RAB11FIP3: variants seen among roughly 807,000 people sequenced by gnomAD.
RAB11FIP3 encodes rab11 family-interacting protein 3.
RAB11FIP3 carries 17 observed loss-of-function variants against 77.8 expected under a neutral mutation model. The ratio of observed to expected loss-of-function variants is 0.22; its 90% CI spans 0.15 to 0.33. The LOEUF (loss-of-function observed/expected upper bound fraction) is 0.33, where lower values mean the gene tolerates loss of function less well. Among genes scored for constraint, RAB11FIP3 ranks in the 10% least tolerant of loss-of-function variants. The probability of loss-of-function intolerance (pLI) is 1.00; values close to 1 mark genes in which losing one functional copy is unlikely to be tolerated. For missense variants in RAB11FIP3, 1,005 were observed against 1,011.2 expected (o/e 0.99, Z 0.08); for synonymous variants, 437 against 448.2 (o/e 0.98, Z 0.31).
At chr16:446,615 A>AT (rs2055320902) in intron 1 of RAB11FIP3, among the ~76,000 whole-genome samples, 3 of 152,164 alleles carry the variant, frequency 2.0e-5, no homozygotes, top group Non-Finnish European at 4.4e-5. Context: ...TGTCCTACAG[A>AT]GACATGTTGA....
Position 507,137 on chromosome 16 carries a change from G to T in RAB11FIP3, c.1499+1510G>T, listed in dbSNP as rs959034923. On this transcript the variant is annotated intron_variant, in intron 8 of 13. Transcript: ENST00000262305. The surrounding 1 kb of genome is among the most constrained non-coding windows in gnomAD (Gnocchi z 4.6). ...CTTTTTTTTTTTTTTTTTTGAGACG[G>T]GGTCTCTCTCTGTCTCCAGGCTGGA... is the stretch of plus-strand genomic sequence containing the variant. Among the ~76,000 whole-genome samples the T allele has an allele frequency of 4.7e-4, 71 of 150,068 alleles. No homozygotes were observed. The highest frequency in any genetic ancestry group is 2.0e-4 in the Admixed American group (3 of 15,140).
intron 1 of RAB11FIP3, among the ~76,000 whole-genome samples, chr16:455,399 G>A (rs532488980): frequency 1.3e-5 from 2 of 151,648 alleles, no homozygotes; most frequent in Non-Finnish European, 2.9e-5. Flanking sequence ...GCTTGAACCC[G>A]GGAGGTGGAG....
chr16:483,325 C>G (rs1468877637), intron 4 of RAB11FIP3, among the ~76,000 whole-genome samples: 1 of 152,218 alleles, frequency 6.6e-6, no homozygotes, highest in East Asian at 1.9e-4. Flanking sequence ...GATGGACCCC[C>G]TCTCTCAGCC....
chr16:457,652 G>A (rs2055525585), intron 1 of RAB11FIP3, among the ~76,000 whole-genome samples: 1 of 152,068 alleles, frequency 6.6e-6, no homozygotes, highest in Non-Finnish European at 1.5e-5. Flanking sequence ...TTTTAAAAAT[G>A]TATACTTTGA....
intron 5 of RAB11FIP3, among the ~76,000 whole-genome samples, chr16:492,048 G>A (rs1325570012): frequency 6.6e-6 from 1 of 152,212 alleles, no homozygotes; most frequent in Admixed American, 6.5e-5. Flanking sequence ...CATGTTTAGA[G>A]GTATCTGTGA....
At chr16:453,756 A>G (rs1025477945) in intron 1 of RAB11FIP3, among the ~76,000 whole-genome samples, 1 of 151,564 alleles carries the variant, frequency 6.6e-6, no homozygotes, top group Non-Finnish European at 1.5e-5. Context: ...ACGCCCAGCT[A>G]ATTTTGTATT....
At chr16:492,394 C>CCCGGGAGATCCGAGGCCGCCCAGAGCCCT in intron 5 of RAB11FIP3, among the ~76,000 whole-genome samples, 7 of 32,116 alleles carry the variant, frequency 2.2e-4, no homozygotes, top group Non-Finnish European at 4.0e-4. Flanking sequence ...CCAGAGCCCT[C>CCCGGGAGATCCGAGGCCGCCCAGAGCCCT]CCCGGGAGAC....
chr16:499,881 A>G (rs2031396526), intron 6 of RAB11FIP3, among the ~76,000 whole-genome samples: 1 of 151,830 alleles, frequency 6.6e-6, no homozygotes, highest in Non-Finnish European at 1.5e-5. Flanking sequence ...CAGTGTGTCT[A>G]TCCACATGTA....
chr16:488,417 T>A (rs962154982), intron 4 of RAB11FIP3, among the ~76,000 whole-genome samples: 9 of 151,314 alleles, frequency 5.9e-5, no homozygotes, highest in Non-Finnish European at 1.2e-4. Flanking sequence ...TTTATTTATT[T>A]TTTTTTTTTG....
chr16:493,295 C>T (rs2030764817), intron 5 of RAB11FIP3, among the ~76,000 whole-genome samples: 1 of 149,966 alleles, frequency 6.7e-6, no homozygotes, highest in South Asian at 2.1e-4. Flanking sequence ...GGTTAATATG[C>T]TATTCAATTC....
intron 5 of RAB11FIP3, among the ~76,000 whole-genome samples, chr16:489,256 T>C (rs1363863327): frequency 6.6e-6 from 1 of 152,246 alleles, no homozygotes; most frequent in African/African-American, 2.4e-5. Flanking sequence ...CACAGAGCTG[T>C]GTTTGCACAC....
Position 443,571 on chromosome 16 carries a change from GGTT to G in RAB11FIP3, c.714+16862_714+16864del, listed in dbSNP as rs552854171. Among the ~76,000 whole-genome samples, 906 of 152,214 alleles carry G rather than the reference GGTT, an allele frequency of 6.0e-3. 8 individuals carry two copies. The highest frequency in any genetic ancestry group is 0.021 in the African/African-American group (858 of 41,530). ...CTGCAGCATGATCTTTGGTGGTGGT[GGTT>G]GTTGTTGTTGAGAGGGAGTCTCGCT... On this transcript the variant is annotated intron_variant, in intron 1 of 13. Transcript: ENST00000262305.
At position 505,424 on chromosome 16, in the gene RAB11FIP3, G is replaced by C; in HGVS notation, c.1396-100G>C. 3.5e-6 allele frequency: 3 copies of C among 868,598 alleles called. No individual in the cohort carries two copies. Among genetic ancestry groups the C allele is most frequent in the Non-Finnish European group, 3.5e-6 (2 of 565,960 alleles). The allele number at this position is 868,598 out of a possible 1,614,324, so 53.8% of individuals were successfully genotyped here. On this transcript the variant is annotated intron_variant, in intron 7 of 13. Transcript: ENST00000262305. This position sits in a 1 kb window ranked among gnomAD's most constrained non-coding sequence, Gnocchi z 4.0. Reference sequence around the variant, plus strand: ...CCTAGCTAGGTGGATCTGATTCTGTGCTGAGAAAATCCCCAGGCGGCCTCC... The same window carrying C: ...CCTAGCTAGGTGGATCTGATTCTGTCCTGAGAAAATCCCCAGGCGGCCTCC...
intron 6 of RAB11FIP3, 103 bp downstream of exon 6, chr16:496,962 A>C: frequency 7.7e-7 from 1 of 1,295,460 alleles, no homozygotes; most frequent in Non-Finnish European, 1.1e-6. Flanking sequence ...GGTATTTTTT[A>C]AACTCTTGCA....
chr16:469,550 C>G (rs969297859), intron 2 of RAB11FIP3, among the ~76,000 whole-genome samples: 2 of 151,914 alleles, frequency 1.3e-5, no homozygotes, highest in African/African-American at 4.8e-5. Flanking sequence ...ATGCCCCCAC[C>G]ACACCTGGCT....
rs146307726 is a variant in RAB11FIP3 at position 520,817 on chromosome 16, C to T, written c.2249C>T (p.Pro750Leu). The T allele has an allele frequency of 6.8e-6, 11 of 1,613,562 alleles. No homozygotes were observed. The highest frequency in any genetic ancestry group is 6.7e-5 in the Admixed American group (4 of 59,998). ...RIIVAIMETN[P>L]SILEVK is the part of the protein sequence containing the mutation. Reference sequence around the variant, plus strand: ...ATCGTGGCCATCATGGAGACCAACCCGTCCATCCTGGAGGTCAAGTAGAGG... The same window carrying T: ...ATCGTGGCCATCATGGAGACCAACCTGTCCATCCTGGAGGTCAAGTAGAGG... Residue 750 changes from proline (P) to leucine (L), a missense_variant, in exon 14 of 14, where the codon CCG (proline) becomes CTG (leucine). Physicochemically the swap from Pro to Leu is moderately conservative, Grantham distance 98. Transcript: ENST00000262305.
chr16:492,193 C>T (rs1482952969), intron 5 of RAB11FIP3, among the ~76,000 whole-genome samples: 3 of 152,198 alleles, frequency 2.0e-5, no homozygotes, highest in African/African-American at 7.2e-5. Flanking sequence ...ATTTCCAGGG[C>T]ACTTAACTCT....
At position 496,826 on chromosome 16, in the gene RAB11FIP3, C is replaced by T. The variant is rs752752030; in HGVS notation, c.1268C>T (p.Pro423Leu). Reference sequence around the variant, plus strand: ...TGTTTATTTTGTTTTCTGCACAGTCCGACAAAGCGGCTCTCCAGCAAGAAG... The same window carrying T: ...TGTTTATTTTGTTTTCTGCACAGTCTGACAAAGCGGCTCTCCAGCAAGAAG... ...CSDPAFLTPS[P>L]TKRLSSKKVA... Residue 423 changes from proline to leucine, a missense_variant and splice_region_variant, in exon 6 of 14, where the codon CCG becomes CTG. Around this residue, in one of 4 missense-constraint regions of RAB11FIP3, gnomAD observed 433 missense variants for 436.1 expected, o/e 0.99. Coordinates refer to ENST00000262305, the MANE Select transcript of RAB11FIP3 (RefSeq NM_014700.4). 26 of 1,595,212 alleles carry T rather than the reference C, an allele frequency of 1.6e-5. No individual in the cohort carries two copies. The highest frequency in any genetic ancestry group is 1.7e-4 in the Middle Eastern group (1 of 6,050).
intron 1 of RAB11FIP3, among the ~76,000 whole-genome samples, chr16:450,463 A>G (rs2055388789): frequency 6.6e-6 from 1 of 152,130 alleles, no homozygotes; most frequent in Admixed American, 6.5e-5. Context: ...GACAGATGTG[A>G]CCCACCACGC....
Sources: gnomAD v4.1 joint callset for allele counts (sites outside exome capture counted in the v4.1 genomes callset) on GRCh38, gnomAD v4.1.1 for gene constraint, gnomAD v4.1.1 regional missense constraint, Gnocchi (gnomAD v3.1) non-coding constraint, MANE v1.5 for transcripts, NCBI Gene and HGNC (gene_info 2026-07-23, HGNC 2026-07-21) for gene names.